The following EPHA4 variants were observed in gnomAD, a reference collection of about 807,000 sequenced individuals.
EPHA4 encodes the protein EPH receptor A4, also known as ephrin type-A receptor 4.
Under a neutral mutation model 108.3 loss-of-function variants are expected in EPHA4, and 19 were observed. That is an observed-to-expected ratio of 0.18 (90% CI 0.12 to 0.26). EPHA4 has a LOEUF of 0.26. EPHA4 is among the 10% of genes least tolerant of loss of function. EPHA4 has a pLI of 1.00. For synonymous variants in EPHA4, 449 were observed against 455.5 expected (o/e 0.99, Z 0.18); for missense variants, 917 against 1,254.0 (o/e 0.73, Z 4.06).
intron 4 of EPHA4, among the ~76,000 whole-genome samples, chr2:221,491,935 G>A (rs1014269418): frequency 6.6e-6 from 1 of 152,032 alleles, no homozygotes; most frequent in Non-Finnish European, 1.5e-5. Context: ...AGAACTGCTT[G>A]AGCTGGGAGG....
At chr2:221,449,521 C>T (rs1690703329) in intron 8 of EPHA4, among the ~76,000 whole-genome samples, 1 of 152,182 alleles carries the variant, frequency 6.6e-6, no homozygotes, top group African/African-American at 2.4e-5. Context: ...ACCCTTTCAG[C>T]CGCAGGAGTT....
At chr2:221,433,213 G>T (rs1453524143) in intron 14 of EPHA4, among the ~76,000 whole-genome samples, 2 of 152,172 alleles carry the variant, frequency 1.3e-5, no homozygotes, top group African/African-American at 4.8e-5. Flanking sequence ...GCAACTGCCT[G>T]TTGTTGGAGG....
intron 5 of EPHA4, among the ~76,000 whole-genome samples, chr2:221,482,144 C>A (rs532342114): frequency 6.6e-6 from 1 of 152,256 alleles, no homozygotes; most frequent in South Asian, 2.1e-4. Context: ...CTCTCAGGCT[C>A]AAGTGATCCA....
intron 4 of EPHA4, among the ~76,000 whole-genome samples, chr2:221,490,469 C>T (rs1163905465): frequency 6.6e-6 from 1 of 151,966 alleles, no homozygotes; most frequent in Non-Finnish European, 1.5e-5. Flanking sequence ...TGGAGCATCC[C>T]CCAAGAGCAT....
chr2:221,484,528 C>T (rs908731016), intron 4 of EPHA4, among the ~76,000 whole-genome samples: 7 of 152,160 alleles, frequency 4.6e-5, no homozygotes, highest in Non-Finnish European at 8.8e-5. Context: ...GATTACTTCA[C>T]ATAAGTCCTC....
At chr2:221,569,003 T>C (rs1694752258) in intron 1 of EPHA4, among the ~76,000 whole-genome samples, 3 of 152,194 alleles carry the variant, frequency 2.0e-5, no homozygotes, top group Non-Finnish European at 2.9e-5. Flanking sequence ...TTGCTTAACA[T>C]TTAAAATTCC....
At chr2:221,501,337 G>A in intron 3 of EPHA4, 165 bp from the exon 4 acceptor site, 1 of 556,000 alleles carries the variant, frequency 1.8e-6, no homozygotes, top group African/African-American at 1.9e-5. Context: ...CATTCATTGA[G>A]TATAGTCGCT....
intron 3 of EPHA4, among the ~76,000 whole-genome samples, chr2:221,505,412 G>A (rs1485926198): frequency 2.0e-5 from 3 of 151,908 alleles, no homozygotes; most frequent in Admixed American, 1.3e-4. Context: ...TGCAACCTCC[G>A]CCTTCTGGGT....
In EPHA4 at chr2:221,485,683, C is replaced by CT. The variant is rs199930603; in HGVS notation, c.980-2994dup. ...TGCTGTGCTTGTGGGATTGTGGTTT[C>CT]TTTTTTTTTGTTTCCCTGCCAATTA... is the stretch of plus-strand genomic sequence containing the variant. On this transcript the variant is annotated intron_variant, in intron 4 of 17. Coordinates refer to ENST00000281821, the MANE Select transcript of EPHA4 (RefSeq NM_004438.5). Among the ~76,000 whole-genome samples, 553 of 151,180 alleles carry CT rather than the reference C, an allele frequency of 3.7e-3. 5 individuals are homozygous for CT. Among genetic ancestry groups the CT allele is most frequent in the African/African-American group, 0.013 (525 of 41,278 alleles).
intron 10 of EPHA4, 144 bp downstream of exon 10, chr2:221,443,349 C>T (rs1016090131): frequency 1.7e-6 from 1 of 602,050 alleles, no homozygotes; most frequent in Non-Finnish European, 2.9e-6. Context: ...CTTTATAACA[C>T]ATGATATTTT....
chr2:221,530,436 G>A (rs545896789), intron 3 of EPHA4, among the ~76,000 whole-genome samples: 290 of 152,274 alleles, frequency 1.9e-3, no homozygotes, highest in Non-Finnish European at 6.3e-4. Flanking sequence ...AAACATTTGC[G>A]CGCAGTAGGA....
At chr2:221,539,479 G>A (rs1012025131) in intron 3 of EPHA4, among the ~76,000 whole-genome samples, 4 of 152,164 alleles carry the variant, frequency 2.6e-5, no homozygotes, top group African/African-American at 4.8e-5. Context: ...TGATGCTTCT[G>A]TAGAACCTTG....
intron 3 of EPHA4, among the ~76,000 whole-genome samples, chr2:221,544,703 G>A (rs1166696935): frequency 6.6e-6 from 1 of 152,158 alleles, no homozygotes; most frequent in Non-Finnish European, 1.5e-5. Flanking sequence ...CCTCCAAAAT[G>A]TATATGTTGA....
At chr2:221,520,550 A>AGCAAGAGGGGG (rs1693135129) in intron 3 of EPHA4, among the ~76,000 whole-genome samples, 1 of 146,770 alleles carries the variant, frequency 6.8e-6, no homozygotes, top group African/African-American at 2.4e-5. Flanking sequence ...ACACAGAGAG[A>AGCAAGAGGGGG]GAGAGAGAGA....
intron 4 of EPHA4, among the ~76,000 whole-genome samples, chr2:221,487,223 C>G (rs2106145692): frequency 6.6e-6 from 1 of 152,136 alleles, no homozygotes; most frequent in East Asian, 1.9e-4. Flanking sequence ...TGATAACTTC[C>G]TGATAGTTGC....
Position 221,572,168 on chromosome 2 carries a change from G to T in EPHA4, c.81C>A (p.Pro27=). ...CCGTCCCGCTCTTACCTTCATTCGC[G>T]GGGTATACCCTGGAACCTGTGACAG... ...CDAVTGSRVY[P]ANEVTLLDSR... The change falls in exon 1 of 18, where the codon CCC becomes CCA. Residue 27 remains proline (P), a synonymous_variant. Coordinates refer to ENST00000281821, the MANE Select transcript of EPHA4 (RefSeq NM_004438.5). 1 of 1,613,778 alleles carries T rather than the reference G, an allele frequency of 6.2e-7. No individual in the cohort carries two copies.
chr2:221,518,274 G>C (rs1328068407), intron 3 of EPHA4, among the ~76,000 whole-genome samples: 1 of 152,114 alleles, frequency 6.6e-6, no homozygotes, highest in Non-Finnish European at 1.5e-5. Flanking sequence ...CCTCCAGCTT[G>C]TAAGAAACAA....
intron 8 of EPHA4, among the ~76,000 whole-genome samples, chr2:221,453,501 T>C (rs1223344807): frequency 2.6e-5 from 4 of 152,186 alleles, no homozygotes; most frequent in Non-Finnish European, 5.9e-5. Context: ...GAGGGCCATC[T>C]TGATTGGCTT....
chr2:221,523,881 C>T (rs945183736), intron 3 of EPHA4, among the ~76,000 whole-genome samples: 1 of 151,986 alleles, frequency 6.6e-6, no homozygotes, highest in Non-Finnish European at 1.5e-5. Context: ...CCACCGTGCC[C>T]GGCCCTCAGT....
Sources: allele counts gnomAD v4.1 joint callset (sites outside exome capture counted in the v4.1 genomes callset), GRCh38; gene constraint gnomAD v4.1.1; transcripts MANE v1.5; gene names NCBI Gene and HGNC (gene_info 2026-07-23, HGNC 2026-07-21).